Variants in PCDH11X observed in about 807,000 individuals in gnomAD.
PCDH11X encodes the protein protocadherin-11 X-linked.
PCDH11X carries 18 observed loss-of-function variants against 53.3 expected under a neutral mutation model. The observed-to-expected ratio is 0.34, with a 90% CI of 0.23 to 0.50. The LOEUF (loss-of-function observed/expected upper bound fraction) is 0.50, where lower values mean the gene tolerates loss of function less well. Among genes scored for constraint, PCDH11X ranks in the 20% least tolerant of loss-of-function variants. The probability of loss-of-function intolerance (pLI) is 0.98; values close to 1 mark genes in which losing one functional copy is unlikely to be tolerated. For synonymous variants in PCDH11X, 279 were observed against 393.3 expected (o/e 0.71, Z 3.44); for missense variants, 570 against 1,032.4 (o/e 0.55, Z 6.14).
chrX:92,047,088 G>A (rs2063301526), intron 6 of PCDH11X, among the ~76,000 whole-genome samples: 1 of 78,881 alleles, frequency 1.3e-5, no homozygotes, highest in Non-Finnish European at 2.1e-5. Flanking sequence ...TTTCTCTTTA[G>A]GATATATCTT....
intron 8 of PCDH11X, among the ~76,000 whole-genome samples, chrX:92,272,987 G>C (rs1276993575): frequency 8.9e-6 from 1 of 112,238 alleles, no homozygotes; most frequent in Non-Finnish European, 1.9e-5. Flanking sequence ...AGGTGTAACA[G>C]CTTCCATAAA....
chrX:91,799,233 C>CT lies in PCDH11X; in HGVS notation c.-378-10225dup, dbSNP rs761409885. ...AATCCATGACCTCCTAAACACAAAT[C>CT]TTTTTTTTCACTGACATTAAAAAAA... On this transcript the variant is annotated intron_variant, in intron 1 of 10. Transcript: ENST00000682573. Among the ~76,000 whole-genome samples the CT allele has an allele frequency of 1.9e-4, 21 of 110,344 alleles. No homozygotes were observed. In the South Asian group the frequency reaches 8.1e-3, roughly 42 times the overall value.
intron 7 of PCDH11X, among the ~76,000 whole-genome samples, chrX:92,202,224 G>T (rs1251416478): frequency 9.0e-6 from 1 of 111,544 alleles, no homozygotes. Flanking sequence ...GGCCACATGT[G>T]CAGTGTGTTT....
At chrX:92,269,332 A>T (rs770733677) in intron 8 of PCDH11X, among the ~76,000 whole-genome samples, 1 of 112,168 alleles carries the variant, frequency 8.9e-6, no homozygotes, top group South Asian at 3.7e-4. Context: ...AAAATTAAAA[A>T]ATCAAAAAAA....
intron 6 of PCDH11X, among the ~76,000 whole-genome samples, chrX:92,194,955 G>C (rs1603151202): frequency 9.0e-6 from 1 of 111,443 alleles, no homozygotes; most frequent in East Asian, 2.8e-4. Flanking sequence ...TGTTTGCTGG[G>C]GGGAAATCAT....
intron 9 of PCDH11X, among the ~76,000 whole-genome samples, chrX:92,428,075 A>T (rs923999346): frequency 2.9e-5 from 3 of 102,067 alleles, no homozygotes; most frequent in Non-Finnish European, 6.0e-5. Context: ...AATTTCTCAT[A>T]CAAGTGTACA....
chrX:92,283,518 A>G (rs1426614635), intron 8 of PCDH11X, among the ~76,000 whole-genome samples: 1 of 111,235 alleles, frequency 9.0e-6, no homozygotes, highest in East Asian at 2.8e-4. Flanking sequence ...TGATTTAGTG[A>G]GGGCTTTATT....
intron 8 of PCDH11X, among the ~76,000 whole-genome samples, chrX:92,358,766 T>C (rs1446979274): frequency 2.8e-5 from 3 of 105,775 alleles, no homozygotes; most frequent in Non-Finnish European, 3.9e-5. Flanking sequence ...TCCACCTCTG[T>C]TAGTTTCTTT....
At position 91,934,452 on chromosome X, in the gene PCDH11X, T is replaced by C. The variant is rs773274128; in HGVS notation, c.3033+55179T>C. Among the ~76,000 whole-genome samples the C allele has an allele frequency of 2.7e-5, 3 of 111,100 alleles. No homozygotes were observed. The South Asian group carries it at 1.1e-3, about 42-fold the overall frequency. ...CTTGAGACTTATAGGTCACTCTTTG[T>C]TCCTTGCTAAAATCGGAAATTCTTG... On this transcript the variant is annotated intron_variant, in intron 6 of 10. Coordinates refer to ENST00000682573, the MANE Select transcript of PCDH11X (RefSeq NM_032968.5).
chrX:92,071,060 C>T (rs985944152), intron 6 of PCDH11X, among the ~76,000 whole-genome samples: 1 of 109,563 alleles, frequency 9.1e-6, no homozygotes, highest in Non-Finnish European at 1.9e-5. Context: ...CAACCTTGGC[C>T]TCCCAAAGTG....
chrX:91,971,442 A>T (rs2061958715), intron 6 of PCDH11X, among the ~76,000 whole-genome samples: 1 of 108,502 alleles, frequency 9.2e-6, no homozygotes, highest in African/African-American at 3.4e-5. Flanking sequence ...AAACCAGGGA[A>T]CTATATCAGT....
At chrX:92,109,960 G>A (rs1198911174) in intron 6 of PCDH11X, among the ~76,000 whole-genome samples, 2 of 112,278 alleles carry the variant, frequency 1.8e-5, no homozygotes, top group African/African-American at 6.5e-5. Flanking sequence ...ATTTTTTGAA[G>A]ATATAGTTAT....
intron 7 of PCDH11X, among the ~76,000 whole-genome samples, chrX:92,217,274 C>G (rs2066740929): frequency 9.0e-6 from 1 of 110,746 alleles, no homozygotes; most frequent in Admixed American, 9.6e-5. Context: ...GATAAAGAGT[C>G]AAGACCCATT....
intron 4 of PCDH11X, among the ~76,000 whole-genome samples, chrX:91,817,652 A>C (rs1936496379): frequency 9.0e-6 from 1 of 111,363 alleles, no homozygotes; most frequent in African/African-American, 3.3e-5. Flanking sequence ...TAAGGGATTG[A>C]ATTTTTAATC....
chrX:91,903,558 A>T (rs56247723), intron 6 of PCDH11X, among the ~76,000 whole-genome samples: 17,186 of 108,012 alleles, frequency 0.16, 1,002 homozygotes, highest in East Asian at 0.24. Flanking sequence ...ATTCATTCAT[A>T]TTTTTTTATA....
chrX:91,966,685 A>T (rs2061868838), intron 6 of PCDH11X, among the ~76,000 whole-genome samples: 1 of 112,101 alleles, frequency 8.9e-6, no homozygotes, highest in African/African-American at 3.2e-5. Context: ...ATTGCCTTTC[A>T]AAAAACAAAA....
chrX:92,495,403 T>C (rs1423608751), intron 10 of PCDH11X, among the ~76,000 whole-genome samples: 1 of 110,293 alleles, frequency 9.1e-6, no homozygotes, highest in Non-Finnish European at 1.9e-5. Flanking sequence ...ATTTTTTTTT[T>C]TTGTAATGCT....
intron 10 of PCDH11X, among the ~76,000 whole-genome samples, chrX:92,488,301 A>C (rs2073687208): frequency 9.0e-6 from 1 of 111,161 alleles, no homozygotes; most frequent in African/African-American, 3.3e-5. Flanking sequence ...ATGTAAGCTC[A>C]CTAGAATGTA....
intron 6 of PCDH11X, among the ~76,000 whole-genome samples, chrX:92,074,419 T>C (rs1233460484): frequency 9.0e-6 from 1 of 111,285 alleles, no homozygotes; most frequent in Admixed American, 9.6e-5. Flanking sequence ...AATGAATTTA[T>C]TTATGTCTGA....
Sources: allele counts gnomAD v4.1 joint callset (sites outside exome capture counted in the v4.1 genomes callset), GRCh38; gene constraint gnomAD v4.1.1; transcripts MANE v1.5; gene names NCBI Gene and HGNC (gene_info 2026-07-23, HGNC 2026-07-21).